Variants in CYRIB observed in about 807,000 individuals in gnomAD.
CYRIB encodes the protein CYFIP-related Rac1 interactor B.
A neutral mutation model predicts 44.2 loss-of-function variants in CYRIB; 8 were observed. The observed-to-expected ratio is 0.18, with a 90% confidence interval of 0.11 to 0.33. The LOEUF (loss-of-function observed/expected upper bound fraction) is 0.33, where lower values mean the gene tolerates loss of function less well. Among genes scored for constraint, CYRIB ranks in the 10% least tolerant of loss-of-function variants. CYRIB has a pLI of 1.00. For missense variants in CYRIB, 185 were observed against 382.8 expected, an observed-to-expected ratio of 0.48 and a Z score of 4.31; for synonymous variants, 131 against 127.2, an observed-to-expected ratio of 1.03 and a Z score of -0.20.
rs554332245 is a variant in CYRIB, at chr8:129,870,746, G to T, written c.195+629C>A. Reference sequence around the variant, plus strand: ...GAAGGGGAGAGATGAAGGCCCAGGGGACAGGGAGTTCCTCTGTGTAGTTCT... The same window carrying T: ...GAAGGGGAGAGATGAAGGCCCAGGGTACAGGGAGTTCCTCTGTGTAGTTCT... On this transcript the variant is annotated intron_variant, in intron 4 of 11. Coordinates refer to ENST00000519824, the Ensembl canonical transcript of CYRIB. 2.1e-3 allele frequency among the ~76,000 whole-genome samples: 326 copies of T among 152,250 alleles called. 1 individual carries two copies. The highest frequency in any genetic ancestry group is 7.4e-3 in the African/African-American group (308 of 41,534).
chr8:129,891,769 T>C (rs902668317), intron 2 of CYRIB, among the ~76,000 whole-genome samples: 3 of 152,226 alleles, frequency 2.0e-5, no homozygotes, highest in Admixed American at 1.3e-4. Context: ...CTTACTGAGC[T>C]TCTGGCTATT....
intron 1 of CYRIB, among the ~76,000 whole-genome samples, chr8:130,006,616 G>GTATATATATATATA (rs1354562582): frequency 3.1e-4 from 1 of 3,192 alleles, no homozygotes; most frequent in Non-Finnish European, 1.4e-3. Context: ...ACATATATAT[G>GTATATATATATATA]TGTATATATA....
chr8:129,979,002 G>A (rs777215333), intron 1 of CYRIB, among the ~76,000 whole-genome samples: 54 of 152,134 alleles, frequency 3.5e-4, no homozygotes, highest in Non-Finnish European at 5.0e-4. Flanking sequence ...TTAGCTGGGC[G>A]TAGTGGTGTG....
chr8:130,006,607 C>CACACATATATATGTGTGTATATAT (rs1359122569), intron 1 of CYRIB, among the ~76,000 whole-genome samples: 4 of 7,120 alleles, frequency 5.6e-4, no homozygotes, highest in Admixed American at 2.6e-3. Context: ...TATATATATA[C>CACACATATATATGTGTGTATATAT]ATATATATGT....
At chr8:129,856,567 C>T (rs751812848) in intron 5 of CYRIB, among the ~76,000 whole-genome samples, 20 of 152,096 alleles carry the variant, frequency 1.3e-4, no homozygotes, top group Non-Finnish European at 2.9e-5. Context: ...CAGAGTTAAA[C>T]TATGATCTGA....
At chr8:129,952,099 G>A (rs1212396043) in intron 2 of CYRIB, among the ~76,000 whole-genome samples, 1 of 152,244 alleles carries the variant, frequency 6.6e-6, no homozygotes, top group Non-Finnish European at 1.5e-5. Context: ...AGGCTGAAGT[G>A]CAATGGTGCA....
intron 3 of CYRIB, among the ~76,000 whole-genome samples, chr8:129,872,131 A>C (rs1342807003): frequency 6.6e-6 from 1 of 152,172 alleles, no homozygotes; most frequent in Non-Finnish European, 1.5e-5. Context: ...TCACTGAACT[A>C]TTCTGCTGAT....
chr8:129,941,365 C>T (rs1234374540), upstream of CYRIB, among the ~76,000 whole-genome samples: 1 of 150,684 alleles, frequency 6.6e-6, no homozygotes, highest in African/African-American at 2.4e-5. Context: ...CTTCCACCTC[C>T]CAGGTTCAAG....
intron 1 of CYRIB, among the ~76,000 whole-genome samples, chr8:129,934,115 T>A (rs544367290): frequency 6.6e-6 from 1 of 152,246 alleles, no homozygotes; most frequent in East Asian, 1.9e-4. Context: ...AGCCTCCACC[T>A]ACAGGTGCCC....
At chr8:129,955,287 A>G (rs2094749112) in intron 2 of CYRIB, among the ~76,000 whole-genome samples, 1 of 151,094 alleles carries the variant, frequency 6.6e-6, no homozygotes, top group African/African-American at 2.4e-5. Flanking sequence ...GTGCTGCATG[A>G]TGAAGAAATA....
At chr8:129,898,582 A>C (rs2069543229) in intron 2 of CYRIB, among the ~76,000 whole-genome samples, 1 of 152,238 alleles carries the variant, frequency 6.6e-6, no homozygotes, top group African/African-American at 2.4e-5. Context: ...AAATTACAAA[A>C]GGCACAAATG....
chr8:129,919,504 A>G (rs2082432360), intron 1 of CYRIB, among the ~76,000 whole-genome samples: 1 of 152,164 alleles, frequency 6.6e-6, no homozygotes, highest in Admixed American at 6.5e-5. Context: ...ACAATACAGT[A>G]CAATTAAATA....
intron 2 of CYRIB, among the ~76,000 whole-genome samples, chr8:129,965,179 A>G (rs1267184661): frequency 6.6e-6 from 1 of 152,126 alleles, no homozygotes; most frequent in East Asian, 1.9e-4. Context: ...ATAGCAGGAT[A>G]TCTTCCACCC....
intron 1 of CYRIB, among the ~76,000 whole-genome samples, chr8:129,998,605 TG>T (rs1216767743): frequency 2.6e-5 from 4 of 152,046 alleles, no homozygotes; most frequent in African/African-American, 9.7e-5. Context: ...GGGGGGTTGT[TG>T]GCTTTGCAAT....
chr8:129,988,343 G>A (rs1040798715), intron 1 of CYRIB, among the ~76,000 whole-genome samples: 3 of 152,184 alleles, frequency 2.0e-5, no homozygotes, highest in Non-Finnish European at 4.4e-5. Context: ...TGAGAAGGGA[G>A]GAGTGATGCA....
At chr8:129,847,012 A>G in intron 10 of CYRIB, 138 bp from the exon 13 acceptor site, 1 of 546,460 alleles carries the variant, frequency 1.8e-6, no homozygotes, top group Non-Finnish European at 3.1e-6. Context: ...TTATTCTTAG[A>G]ACAGAAAAAA....
chr8:129,936,673 C>G (rs2092847443), intron 1 of CYRIB, among the ~76,000 whole-genome samples: 1 of 149,994 alleles, frequency 6.7e-6, no homozygotes. Context: ...CCAAAGATCT[C>G]AAAGCAAATT....
intron 2 of CYRIB, among the ~76,000 whole-genome samples, chr8:129,957,964 CAAAAAAA>C (rs371857313): frequency 9.6e-6 from 1 of 103,770 alleles, no homozygotes; most frequent in Non-Finnish European, 2.0e-5. Flanking sequence ...GACTCCATCT[CAAAAAAA>C]AAAAAAAAAA....
At chr8:129,870,833 T>A (rs1368703445) in intron 4 of CYRIB, among the ~76,000 whole-genome samples, 1 of 152,052 alleles carries the variant, frequency 6.6e-6, no homozygotes, top group African/African-American at 2.4e-5. Flanking sequence ...GATAGAAGAT[T>A]TAATTAAGAG....
Sources: gnomAD v4.1 joint callset for allele counts (sites outside exome capture counted in the v4.1 genomes callset) on GRCh38, gnomAD v4.1.1 for gene constraint, MANE v1.5 for transcripts, NCBI Gene and HGNC (gene_info 2026-07-23, HGNC 2026-07-21) for gene names.